Variants in XYLB observed in about 807,000 individuals in gnomAD.
XYLB encodes the protein xylulokinase.
Under a neutral mutation model 78.7 loss-of-function variants are expected in XYLB, and 62 were observed. That is an observed-to-expected ratio of 0.79 (90% CI 0.64 to 0.97). The LOEUF (loss-of-function observed/expected upper bound fraction) is 0.97, where lower values mean the gene tolerates loss of function less well. XYLB is among the 50% of genes least tolerant of loss of function. The pLI is 0.00. For synonymous variants in XYLB, 245 were observed against 247.4 expected, an observed-to-expected ratio of 0.99 and a Z score of 0.09; for missense variants, 687 against 676.8, an observed-to-expected ratio of 1.02 and a Z score of -0.17.
rs1027170368 is a variant in XYLB, at chr3:38,413,296, A to G, written c.*283A>G. On this transcript the variant is annotated 3_prime_UTR_variant, in exon 19 of 19. Transcript: ENST00000207870. ...CAACACTGAGACTGGGATATGTCCA[A>G]TAAAAACTATGACTTTTCCCCTTGC... is the stretch of plus-strand genomic sequence containing the variant. The G allele has an allele frequency of 6.6e-5, 23 of 351,040 alleles. No individual in the cohort carries two copies. Among genetic ancestry groups the G allele is most frequent in the African/African-American group, 4.0e-4 (19 of 47,168 alleles). 21.7% of individuals were successfully genotyped at this position (351,040 alleles called of 1,614,324 possible).
chr3:38,365,519 C>G lies in XYLB; in HGVS notation c.379-89C>G, dbSNP rs111872864. On this transcript the variant is annotated intron_variant, in intron 5 of 18. Coordinates refer to ENST00000207870, the MANE Select transcript of XYLB (RefSeq NM_005108.4). ...CACCTGGGAAGAAGCGTCATGACTG[C>G]CGTGATGGGCAGTGTGACCGCCAGC... The G allele has an allele frequency of 5.3e-5, 82 of 1,538,810 alleles. No individual in the cohort carries two copies. In the African/African-American group the frequency reaches 8.2e-4, roughly 15 times the overall value.
chr3:38,395,528 A>G lies in XYLB; in HGVS notation c.1315A>G (p.Thr439Ala). The change falls in exon 16 of 19, where the codon ACA (threonine) becomes GCA (alanine). Residue 439 changes from threonine to alanine, a missense_variant. Coordinates refer to ENST00000207870, the MANE Select transcript of XYLB (RefSeq NM_005108.4). ...RVMSKTKILA[T>A]GGASHNREIL... ...AGTGTCCAAGACAAAGATTTTGGCCACAGGAGGAGCATCTCACAATAGAGA... is the reference window on the plus strand; with the variant it reads ...AGTGTCCAAGACAAAGATTTTGGCCGCAGGAGGAGCATCTCACAATAGAGA... 2 of 1,614,240 alleles carry G rather than the reference A, an allele frequency of 1.2e-6. No homozygotes were observed. Among genetic ancestry groups the G allele is most frequent in the Non-Finnish European group, 1.7e-6 (2 of 1,180,050 alleles).
At chr3:38,421,419 C>G (rs944730420), downstream of XYLB, 1 of 152,302 alleles carries the variant, frequency 6.6e-6, no homozygotes, top group Non-Finnish European at 1.5e-5. Flanking sequence ...GGACAAGGGT[C>G]GAGCAGGCAT....
chr3:38,413,119 C>A lies in XYLB; in HGVS notation c.*106C>A, dbSNP rs1315626456. ...TCTCTGTTCTGAACAGCTCTTCCTGCCCCTACTGACTCCTTGGAGTGTCCA... is the reference window on the plus strand; with the variant it reads ...TCTCTGTTCTGAACAGCTCTTCCTGACCCTACTGACTCCTTGGAGTGTCCA... On this transcript the variant is annotated 3_prime_UTR_variant, in exon 19 of 19. Transcript: ENST00000207870. 4.5e-6 allele frequency: 5 copies of A among 1,119,182 alleles called. No individual in the cohort carries two copies. In the South Asian group the frequency reaches 5.1e-5, roughly 12 times the overall value. The allele number at this position is 1,119,182 out of a possible 1,614,324, so 69.3% of individuals were successfully genotyped here.
intron 15 of XYLB, among the ~76,000 whole-genome samples, chr3:38,381,905 T>A (rs1249834382): frequency 6.6e-6 from 1 of 152,232 alleles, no homozygotes; most frequent in Non-Finnish European, 1.5e-5. Context: ...GATATTCTAT[T>A]ATCCTGTTAA....
At chr3:38,425,258 G>T (rs1575562121), downstream of XYLB, among the ~76,000 whole-genome samples, 5 of 152,290 alleles carry the variant, frequency 3.3e-5, no homozygotes, top group South Asian at 1.0e-3. Flanking sequence ...TCACAGTCAT[G>T]GGCATTCCAG....
chr3:38,381,282 A>C (rs957628423), intron 15 of XYLB, among the ~76,000 whole-genome samples: 2 of 152,198 alleles, frequency 1.3e-5, no homozygotes, highest in African/African-American at 4.8e-5. Flanking sequence ...TCACTTCCCC[A>C]ATCAATACCC....
the XYLB span, among the ~76,000 whole-genome samples, chr3:38,449,895 C>A: frequency 3.9e-5 from 6 of 152,146 alleles, no homozygotes; most frequent in Admixed American, 6.5e-5. Context: ...TAGCTTTCTA[C>A]CCAAGCCAAT....
the XYLB span, among the ~76,000 whole-genome samples, chr3:38,432,849 G>T: frequency 3.3e-5 from 5 of 152,230 alleles, no homozygotes; most frequent in Non-Finnish European, 5.9e-5. Context: ...ACGGGCTGGT[G>T]TTGAGTGTCT....
chr3:38,421,381 G>T (rs973638233), downstream of XYLB: 1 of 152,260 alleles, frequency 6.6e-6, no homozygotes, highest in African/African-American at 2.4e-5. Context: ...AGTAAGAAGG[G>T]GAGCTCAGAA....
intron 15 of XYLB, among the ~76,000 whole-genome samples, chr3:38,388,973 TCTTGGGTGTTTCTCG>T (rs1257170876): frequency 2.0e-5 from 3 of 151,180 alleles, no homozygotes; most frequent in Non-Finnish European, 4.4e-5. Flanking sequence ...TATTGATCAT[TCTTGGGTGTTTCTCG>T]CAGAGGGGGA....
Position 38,346,878 on chromosome 3 carries a change from C to G in XYLB, c.10C>G (p.His4Asp). 1 of 1,520,976 alleles carries G rather than the reference C, an allele frequency of 6.6e-7. No individual in the cohort carries two copies. The highest frequency in any genetic ancestry group is 8.8e-7 in the Non-Finnish European group (1 of 1,137,440). The allele number at this position is 1,520,976 out of a possible 1,614,324, so 94.2% of individuals were successfully genotyped here. Residue 4 changes from histidine (H) to aspartate (D), a missense_variant, in exon 1 of 19, where the codon CAC becomes GAC. His to Asp is a moderately conservative substitution (Grantham distance 81). Coordinates refer to ENST00000207870, the MANE Select transcript of XYLB (RefSeq NM_005108.4). ...CCTTACCCGAAAGGCCATGGCGGAG[C>G]ACGCCCCTCGCCGCTGCTGCCTGGG... MAE[H>D]APRRCCLGWD...
chr3:38,412,880 C>T, intron 18 of XYLB, 56 bp from the exon 19 acceptor site: 4 of 1,463,240 alleles, frequency 2.7e-6, no homozygotes, highest in Middle Eastern at 1.7e-4. Context: ...AAAGTGCAAC[C>T]AGATGTAAGA....
intron 2 of XYLB, among the ~76,000 whole-genome samples, chr3:38,352,442 T>G (rs1280127281): frequency 1.3e-5 from 2 of 152,130 alleles, no homozygotes; most frequent in Non-Finnish European, 2.9e-5. Flanking sequence ...GATCAGTGAG[T>G]ATAGTATGCT....
chr3:38,420,726 C>CT (rs34716648), downstream of XYLB, among the ~76,000 whole-genome samples: 81,925 of 150,722 alleles, frequency 0.54, 22,889 homozygotes, highest in East Asian at 0.62. Context: ...GAATATCCCC[C>CT]TTTTTTTTTG....
chr3:38,398,498 C>T (rs956185781), intron 17 of XYLB, among the ~76,000 whole-genome samples: 4 of 151,790 alleles, frequency 2.6e-5, no homozygotes, highest in African/African-American at 7.3e-5. Context: ...TAACCTCTTA[C>T]TCATTTATTC....
At chr3:38,364,679 A>T (rs1706151672) in intron 4 of XYLB, among the ~76,000 whole-genome samples, 1 of 151,256 alleles carries the variant, frequency 6.6e-6, no homozygotes. Flanking sequence ...CGAGTTGGTT[A>T]GGTGCCTCTG....
At chr3:38,404,187 G>C (rs987461653) in intron 18 of XYLB, among the ~76,000 whole-genome samples, 2 of 152,194 alleles carry the variant, frequency 1.3e-5, no homozygotes, top group South Asian at 4.2e-4. Context: ...TACAGGCTAG[G>C]ACAACCTTAG....
At chr3:38,429,536 C>T in the XYLB span, among the ~76,000 whole-genome samples, 6 of 152,092 alleles carry the variant, frequency 3.9e-5, no homozygotes, top group South Asian at 2.1e-4. Flanking sequence ...ACAGATGTGG[C>T]TTCTCCTGAG....
Sources: allele counts gnomAD v4.1 joint callset (sites outside exome capture counted in the v4.1 genomes callset), GRCh38; gene constraint gnomAD v4.1.1; transcripts MANE v1.5; gene names NCBI Gene and HGNC (gene_info 2026-07-23, HGNC 2026-07-21).